The following PDE1C variants were observed in gnomAD, a reference collection of about 807,000 sequenced individuals.
The protein encoded by PDE1C is dual specificity calcium/calmodulin-dependent 3',5'-cyclic nucleotide phosphodiesterase 1C.
A neutral mutation model predicts 93.1 loss-of-function variants in PDE1C; 62 were observed. The ratio of observed to expected loss-of-function variants is 0.67; its 90% CI spans 0.54 to 0.82. The LOEUF (loss-of-function observed/expected upper bound fraction) is 0.82, where lower values mean the gene tolerates loss of function less well. PDE1C is among the 40% of genes least tolerant of loss of function. The pLI is 0.00. For synonymous variants in PDE1C, 325 were observed against 310.1 expected, an observed-to-expected ratio of 1.05 and a Z score of -0.50; for missense variants, 742 against 884.6, an observed-to-expected ratio of 0.84 and a Z score of 2.04.
At chr7:31,625,818 T>G in the PDE1C span, among the ~76,000 whole-genome samples, 3 of 126,296 alleles carry the variant, frequency 2.4e-5, no homozygotes, top group African/African-American at 8.0e-5. Context: ...CCTTAGAATG[T>G]CTTTTTTTTT....
At chr7:31,901,800 G>A (rs1373374030) in intron 2 of PDE1C, among the ~76,000 whole-genome samples, 1 of 151,276 alleles carries the variant, frequency 6.6e-6, no homozygotes, top group East Asian at 1.9e-4. Context: ...AGAATTTCCA[G>A]GAAAAAATAC....
intron 1 of PDE1C, among the ~76,000 whole-genome samples, chr7:32,404,315 T>G (rs1420481457): frequency 1.3e-5 from 2 of 152,142 alleles, no homozygotes; most frequent in East Asian, 1.9e-4. Context: ...TCCACAGAAG[T>G]GTTTAATTTC....
At chr7:32,387,671 G>A in intron 1 of PDE1C, among the ~76,000 whole-genome samples, 1 of 144,680 alleles carries the variant, frequency 6.9e-6, no homozygotes, top group South Asian at 2.2e-4. Flanking sequence ...GGCTGGCCGG[G>A]CGGGGGGCTG....
the PDE1C span, among the ~76,000 whole-genome samples, chr7:31,673,560 C>T: frequency 6.6e-6 from 1 of 152,072 alleles, no homozygotes; most frequent in Non-Finnish European, 1.5e-5. Context: ...TTTATAGAAA[C>T]TATCATTTTT....
the PDE1C span, among the ~76,000 whole-genome samples, chr7:31,680,790 C>G: frequency 6.6e-6 from 1 of 152,092 alleles, no homozygotes; most frequent in Non-Finnish European, 1.5e-5. Context: ...AAAAAATACA[C>G]CTGGATAGGG....
intron 2 of PDE1C, among the ~76,000 whole-genome samples, chr7:31,970,750 T>C (rs1810836100): frequency 6.6e-6 from 1 of 152,228 alleles, no homozygotes; most frequent in Non-Finnish European, 1.5e-5. Flanking sequence ...GGAAAGACTG[T>C]TTAAAGCATT....
At chr7:31,831,288 T>C (rs1474664451) in intron 11 of PDE1C, among the ~76,000 whole-genome samples, 1 of 152,020 alleles carries the variant, frequency 6.6e-6, no homozygotes, top group Non-Finnish European at 1.5e-5. Context: ...ACCTCAAAAA[T>C]AAGGAGAGTA....
intron 3 of PDE1C, among the ~76,000 whole-genome samples, chr7:32,080,062 T>G (rs1424583650): frequency 6.6e-6 from 1 of 152,024 alleles, no homozygotes; most frequent in African/African-American, 2.4e-5. Context: ...GGGAACAACA[T>G]GTGCAAAGAT....
chr7:31,781,163 C>T (rs1454755163), intron 16 of PDE1C, among the ~76,000 whole-genome samples: 7 of 152,314 alleles, frequency 4.6e-5, no homozygotes, highest in East Asian at 3.9e-4. Flanking sequence ...ACCTAAGACT[C>T]GGGACTTCAC....
intron 1 of PDE1C, among the ~76,000 whole-genome samples, chr7:32,372,661 C>G (rs897844151): frequency 6.6e-6 from 1 of 152,040 alleles, no homozygotes; most frequent in East Asian, 1.9e-4. Flanking sequence ...TGCTGTACTT[C>G]GAAGGACATC....
At chr7:31,749,598 T>G (rs1442317137), downstream of PDE1C, among the ~76,000 whole-genome samples, 1 of 152,014 alleles carries the variant, frequency 6.6e-6, no homozygotes, top group Non-Finnish European at 1.5e-5. Context: ...CACAGGAATT[T>G]GAATGCAACA....
At chr7:32,014,766 C>T (rs943881000) in intron 2 of PDE1C, among the ~76,000 whole-genome samples, 1 of 152,142 alleles carries the variant, frequency 6.6e-6, no homozygotes, top group Non-Finnish European at 1.5e-5. Context: ...CAGTTTCATC[C>T]ATGTCTTTTT....
intron 2 of PDE1C, among the ~76,000 whole-genome samples, chr7:32,005,945 T>C (rs967378327): frequency 1.3e-5 from 2 of 152,236 alleles, no homozygotes; most frequent in Non-Finnish European, 2.9e-5. Flanking sequence ...ATCAAATTTT[T>C]CCAGTACTAT....
chr7:31,637,493 A>G, the PDE1C span, among the ~76,000 whole-genome samples: 1 of 152,112 alleles, frequency 6.6e-6, no homozygotes, highest in African/African-American at 2.4e-5. Context: ...GCCAGTGATG[A>G]TGAGCATTTT....
chr7:31,848,840 T>C (rs540835633), intron 8 of PDE1C, among the ~76,000 whole-genome samples: 14 of 152,326 alleles, frequency 9.2e-5, no homozygotes, highest in African/African-American at 3.4e-4. Context: ...TTCTGACAGT[T>C]GGGCCAGTGC....
At chr7:32,085,616 C>T (rs1226946898) in intron 3 of PDE1C, among the ~76,000 whole-genome samples, 4 of 145,926 alleles carry the variant, frequency 2.7e-5, no homozygotes, top group Non-Finnish European at 6.0e-5. Context: ...AAAATACTGG[C>T]AAACCGAATC....
chr7:31,656,836 C>G, the PDE1C span, among the ~76,000 whole-genome samples: 1 of 151,744 alleles, frequency 6.6e-6, no homozygotes, highest in Non-Finnish European at 1.5e-5. Flanking sequence ...GGTTTACTCT[C>G]CTAATTCTCC....
chr7:32,176,290 T>C (rs1368270726), intron 2 of PDE1C, among the ~76,000 whole-genome samples: 6 of 151,702 alleles, frequency 4.0e-5, no homozygotes, highest in African/African-American at 1.2e-4. Flanking sequence ...CCATTATAAG[T>C]GAAAAAAAAA....
At chr7:32,390,997 AAAAC>A (rs1159190862) in intron 1 of PDE1C, among the ~76,000 whole-genome samples, 3 of 152,184 alleles carry the variant, frequency 2.0e-5, no homozygotes, top group Non-Finnish European at 2.9e-5. Context: ...AGCAATTTAG[AAAAC>A]AAATAGCAAA....
Sources: gnomAD v4.1 joint callset for allele counts (sites outside exome capture counted in the v4.1 genomes callset) on GRCh38, gnomAD v4.1.1 for gene constraint, MANE v1.5 for transcripts, NCBI Gene and HGNC (gene_info 2026-07-23, HGNC 2026-07-21) for gene names.